The following LSM14A variants were observed in gnomAD, a reference collection of about 807,000 sequenced individuals.
LSM14A encodes protein LSM14 homolog A.
A neutral mutation model predicts 52.4 loss-of-function variants in LSM14A; 14 were observed. That is an observed-to-expected ratio of 0.27 (90% CI 0.18 to 0.42). LSM14A has a LOEUF of 0.42. Among genes scored for constraint, LSM14A ranks in the 10% least tolerant of loss-of-function variants. The pLI, the probability that LSM14A is intolerant of heterozygous loss-of-function variation, is 1.00. For missense variants in LSM14A, 417 were observed against 581.8 expected (o/e 0.72, Z 2.91); for synonymous variants, 185 against 200.3 (o/e 0.92, Z 0.64).
rs920329620 is a variant in LSM14A at position 34,208,953 on chromosome 19, G to A, written c.440G>A (p.Gly147Glu). The A allele has an allele frequency of 2.5e-6, 4 of 1,607,052 alleles. No homozygotes were observed. The highest frequency in any genetic ancestry group is 1.3e-5 in the African/African-American group (1 of 74,698). The stretch of plus-strand genomic sequence containing the variant: ...GCTGGAAGCTCTTTGACATCCTTTG[G>A]AACAGAAACATCAAACAGTGGTACC... ...GVAGSSLTSF[G>E]TETSNSGTLP... Residue 147 changes from glycine (G) to glutamate (E), a missense_variant, in exon 4 of 10, where the codon GGA becomes GAA. Transcript: ENST00000544216.
intron 6 of LSM14A, among the ~76,000 whole-genome samples, chr19:34,217,136 G>A (rs1217325725): frequency 6.6e-6 from 1 of 151,904 alleles, no homozygotes; most frequent in African/African-American, 2.4e-5. Context: ...GCACACGCCT[G>A]TAGTCCCAGC....
Position 34,219,420 on chromosome 19 carries a change from G to C in LSM14A, c.811G>C (p.Gly271Arg). Residue 271 changes from glycine to arginine, a missense_variant, in exon 7 of 10, where the codon GGG (glycine) becomes CGG (arginine). Gly to Arg is a moderately radical substitution (Grantham distance 125). This residue lies in a region of LSM14A where 357 missense variants were observed against 457.0 expected (regional missense o/e 0.78). Coordinates refer to ENST00000544216, the MANE Select transcript of LSM14A (RefSeq NM_015578.4). ...APGAPSAPRRGRGGHRGGRGR... is the reference protein window; with the variant it reads ...APGAPSAPRRRRGGHRGGRGR... Reference sequence around the variant, plus strand: ...AGGTGCTCCTTCAGCTCCAAGGAGAGGGCGTGGGGGTCATCGGGGTGGCAG... The same window carrying C: ...AGGTGCTCCTTCAGCTCCAAGGAGACGGCGTGGGGGTCATCGGGGTGGCAG... The C allele has an allele frequency of 2.5e-6, 4 of 1,613,246 alleles. No homozygotes were observed. The highest frequency in any genetic ancestry group is 3.4e-6 in the Non-Finnish European group (4 of 1,179,698).
intron 3 of LSM14A, among the ~76,000 whole-genome samples, chr19:34,198,070 A>G (rs981785880): frequency 1.3e-5 from 2 of 152,086 alleles, no homozygotes; most frequent in Admixed American, 1.3e-4. Context: ...TGTAAAAAAA[A>G]AAAAACAGCT....
intron 9 of LSM14A, among the ~76,000 whole-genome samples, chr19:34,224,705 T>C (rs2073249598): frequency 6.6e-6 from 1 of 152,194 alleles, no homozygotes. Context: ...CTTTAACCTA[T>C]CTGATTCAAG....
chr19:34,209,398 A>G (rs2071966807), intron 4 of LSM14A, among the ~76,000 whole-genome samples: 1 of 152,218 alleles, frequency 6.6e-6, no homozygotes, highest in Non-Finnish European at 1.5e-5. Flanking sequence ...TGGAAATATC[A>G]TCTGAAAAAA....
At chr19:34,173,227 G>C (rs1162743908) in intron 1 of LSM14A, among the ~76,000 whole-genome samples, 2 of 152,196 alleles carry the variant, frequency 1.3e-5, no homozygotes, top group Non-Finnish European at 2.9e-5. Context: ...GTGAACTCTT[G>C]AGTAATGTGC....
At chr19:34,205,920 C>A (rs544543614) in intron 3 of LSM14A, among the ~76,000 whole-genome samples, 45 of 151,886 alleles carry the variant, frequency 3.0e-4, no homozygotes, top group African/African-American at 1.1e-3. Context: ...GAAAGAACAA[C>A]CAAGCAAGTT....
chr19:34,215,428 T>A, intron 5 of LSM14A, 128 bp downstream of exon 5: 3 of 1,176,516 alleles, frequency 2.5e-6, no homozygotes, highest in South Asian at 3.1e-5. Flanking sequence ...ATAGAATGTT[T>A]GGTCTTTCAA....
chr19:34,185,521 C>T (rs975565702), intron 1 of LSM14A, among the ~76,000 whole-genome samples: 1 of 152,096 alleles, frequency 6.6e-6, no homozygotes, highest in Non-Finnish European at 1.5e-5. Flanking sequence ...TGATGTGGTT[C>T]CAAGAGCTGG....
chr19:34,177,969 T>C (rs2069196599), intron 1 of LSM14A, among the ~76,000 whole-genome samples: 1 of 152,110 alleles, frequency 6.6e-6, no homozygotes, highest in Non-Finnish European at 1.5e-5. Context: ...GAGACCAGTC[T>C]GGCCAACATG....
chr19:34,202,909 G>T (rs1269050561), intron 3 of LSM14A, among the ~76,000 whole-genome samples: 2 of 152,052 alleles, frequency 1.3e-5, no homozygotes, highest in Non-Finnish European at 2.9e-5. Flanking sequence ...CGCCCGCCTC[G>T]GCCTCCCAAA....
At position 34,217,614 on chromosome 19, in the gene LSM14A, CCCGTG is replaced by C. The variant is rs1414280689; in HGVS notation, c.782-1776_782-1772del. On this transcript the variant is annotated intron_variant, in intron 6 of 9. Transcript: ENST00000544216. The stretch of plus-strand genomic sequence containing the variant: ...TATATATATTTTTATATCCCCCCCC[CCCGTG>C]TTTTTTTTTTTTTTTTTTTTTTTTT... 6.6e-4 allele frequency among the ~76,000 whole-genome samples: 30 copies of C among 45,740 alleles called. 2 individuals carry two copies. Among genetic ancestry groups the C allele is most frequent in the African/African-American group, 1.3e-3 (13 of 10,332 alleles). 30.0% of individuals were successfully genotyped at this position (45,740 alleles called of 152,430 possible).
intron 1 of LSM14A, among the ~76,000 whole-genome samples, chr19:34,184,591 G>A (rs1207219180): frequency 6.6e-6 from 1 of 152,100 alleles, no homozygotes; most frequent in East Asian, 1.9e-4. Context: ...TTTGGGGAGA[G>A]GGTTCATAGA....
intron 3 of LSM14A, among the ~76,000 whole-genome samples, chr19:34,206,283 A>T (rs980652768): frequency 1.3e-5 from 2 of 152,152 alleles, no homozygotes; most frequent in African/African-American, 2.4e-5. Flanking sequence ...ATGCAGAAGG[A>T]TCTCTTGAGC....
intron 3 of LSM14A, among the ~76,000 whole-genome samples, chr19:34,199,769 C>A (rs927157497): frequency 2.0e-5 from 3 of 152,188 alleles, no homozygotes; most frequent in African/African-American, 7.2e-5. Flanking sequence ...AAAAGACATA[C>A]TTTTTTCATA....
chr19:34,172,576 C>A lies in LSM14A; in HGVS notation c.-67C>A. The A allele has an allele frequency of 6.9e-7, 1 of 1,459,056 alleles. No individual in the cohort carries two copies. The highest frequency in any genetic ancestry group is 9.1e-7 in the Non-Finnish European group (1 of 1,104,924). 90.4% of individuals were successfully genotyped at this position (1,459,056 alleles called of 1,614,324 possible). The stretch of plus-strand genomic sequence containing the variant: ...GGCGCCGACGGAGCGAGCGGGCGTG[C>A]GGAGCGGGCGACAGTGGCGTGGGAT... On this transcript the variant is annotated 5_prime_UTR_variant, in exon 1 of 10. Coordinates refer to ENST00000544216, the MANE Select transcript of LSM14A (RefSeq NM_015578.4).
chr19:34,205,748 G>A (rs1568489133), intron 3 of LSM14A, among the ~76,000 whole-genome samples: 1 of 151,952 alleles, frequency 6.6e-6, no homozygotes, highest in Non-Finnish European at 1.5e-5. Flanking sequence ...TATTCCAAAA[G>A]TAGTAGAGGG....
chr19:34,209,844 CTTT>C (rs34313988), intron 4 of LSM14A, among the ~76,000 whole-genome samples: 1 of 140,364 alleles, frequency 7.1e-6, no homozygotes, highest in African/African-American at 2.6e-5. Context: ...TTGGGCCTGG[CTTT>C]TTTTTTTTTT....
chr19:34,209,484 ACAACTGAATCAT>A (rs1215186338), intron 4 of LSM14A, among the ~76,000 whole-genome samples: 1 of 152,184 alleles, frequency 6.6e-6, no homozygotes, highest in Non-Finnish European at 1.5e-5. Context: ...TAGGCTACCC[ACAACTGAATCAT>A]CTGGGGTGCT....
Sources: allele counts gnomAD v4.1 joint callset (sites outside exome capture counted in the v4.1 genomes callset), GRCh38; gene constraint gnomAD v4.1.1; regional missense constraint gnomAD v4.1.1; transcripts MANE v1.5; gene names NCBI Gene and HGNC (gene_info 2026-07-23, HGNC 2026-07-21).